Variants in COMMD10 observed in about 807,000 individuals in gnomAD.
COMMD10 encodes the protein COMM domain containing 10.
Under a neutral mutation model 28.9 loss-of-function variants are expected in COMMD10, and 33 were observed. That is an observed-to-expected ratio of 1.14 (90% CI 0.87 to 1.53). The LOEUF is 1.53. Among genes scored for constraint, COMMD10 ranks in the 40% most tolerant of loss-of-function variants. COMMD10 has a pLI of 0.00. For synonymous variants in COMMD10, 110 were observed against 81.7 expected, an observed-to-expected ratio of 1.35 and a Z score of -1.87; for missense variants, 310 against 233.4, an observed-to-expected ratio of 1.33 and a Z score of -2.14.
intron 5 of COMMD10, among the ~76,000 whole-genome samples, chr5:116,141,874 G>T (rs992992871): frequency 6.6e-6 from 1 of 151,584 alleles, no homozygotes; most frequent in Non-Finnish European, 1.5e-5. Flanking sequence ...GCGTTTTAAG[G>T]GTTCTTTTTC....
chr5:116,283,060 C>T (rs539374380), intron 5 of COMMD10, among the ~76,000 whole-genome samples: 9 of 151,974 alleles, frequency 5.9e-5, no homozygotes, highest in South Asian at 2.1e-4. Context: ...TGTTATCCTG[C>T]TTTATTCTCC....
At chr5:116,287,108 C>G (rs185206850) in intron 5 of COMMD10, among the ~76,000 whole-genome samples, 1 of 151,774 alleles carries the variant, frequency 6.6e-6, no homozygotes, top group African/African-American at 2.4e-5. Context: ...GTACAGCAGG[C>G]TTTTAAATAA....
At chr5:116,093,163 T>G (rs1435243131) in intron 4 of COMMD10, among the ~76,000 whole-genome samples, 1 of 152,196 alleles carries the variant, frequency 6.6e-6, no homozygotes, top group African/African-American at 2.4e-5. Context: ...CGATATACTT[T>G]TACTTTTGAT....
At position 116,291,521 on chromosome 5, in the gene COMMD10, T is replaced by C; in HGVS notation, c.515T>C (p.Leu172Pro). ...LGVNNEDSKSLEKVLVEFSHK... is the reference protein window; with the variant it reads ...LGVNNEDSKSPEKVLVEFSHK... ...TGTTGTTTTTCTTCCTTACAGAGCC[T>C]GGAGAAAGTTCTTGTGGAATTCAGT... is the stretch of plus-strand genomic sequence containing the variant. Residue 172 changes from leucine (L) to proline (P), a missense_variant, in exon 6 of 7, where the codon CTG (leucine) becomes CCG (proline). Coordinates refer to ENST00000274458, the MANE Select transcript of COMMD10 (RefSeq NM_016144.4). 3 of 1,599,474 alleles carry C rather than the reference T, an allele frequency of 1.9e-6. No individual in the cohort carries two copies. The highest frequency in any genetic ancestry group is 2.3e-5 in the South Asian group (2 of 88,324).
intron 5 of COMMD10, among the ~76,000 whole-genome samples, chr5:116,141,118 A>G (rs908134663): frequency 8.6e-5 from 13 of 151,548 alleles, no homozygotes; most frequent in Non-Finnish European, 1.5e-4. Flanking sequence ...GTATGGTGTA[A>G]AGGTCCAATT....
chr5:116,106,834 A>G (rs987601680), intron 4 of COMMD10, among the ~76,000 whole-genome samples: 1 of 152,066 alleles, frequency 6.6e-6, no homozygotes, highest in Non-Finnish European at 1.5e-5. Context: ...TGCTTTGTAG[A>G]TCTTCCTCCA....
intron 4 of COMMD10, among the ~76,000 whole-genome samples, chr5:116,122,439 TG>T (rs1751465012): frequency 6.6e-6 from 1 of 152,230 alleles, no homozygotes; most frequent in African/African-American, 2.4e-5. Context: ...TTGTTCTTTT[TG>T]CTCAGGATTG....
At chr5:116,189,014 A>G (rs1255218492) in intron 5 of COMMD10, among the ~76,000 whole-genome samples, 2 of 152,210 alleles carry the variant, frequency 1.3e-5, no homozygotes, top group African/African-American at 4.8e-5. Flanking sequence ...TTCCTTAAAC[A>G]GTGTTCTACA....
intron 5 of COMMD10, among the ~76,000 whole-genome samples, chr5:116,197,580 TCA>T (rs1406431126): frequency 4.6e-5 from 7 of 152,132 alleles, no homozygotes. Context: ...AGACAGGTTC[TCA>T]CTATGTTGCC....
chr5:116,164,278 G>A (rs1018833389), intron 5 of COMMD10, among the ~76,000 whole-genome samples: 1 of 151,574 alleles, frequency 6.6e-6, no homozygotes, highest in Admixed American at 6.6e-5. Context: ...CCGAGATTGG[G>A]CCACTGCACT....
chr5:116,272,778 T>A (rs80125104), intron 5 of COMMD10, among the ~76,000 whole-genome samples: 6 of 151,868 alleles, frequency 4.0e-5, no homozygotes, highest in Non-Finnish European at 8.8e-5. Flanking sequence ...GTGGACAGTT[T>A]GCTGAACTTA....
At chr5:116,289,799 G>GTGGGTGCT (rs898269633) in intron 5 of COMMD10, among the ~76,000 whole-genome samples, 2 of 151,836 alleles carry the variant, frequency 1.3e-5, no homozygotes, top group African/African-American at 4.9e-5. Flanking sequence ...TTATAATGGT[G>GTGGGTGCT]TGGGTGCTGT....
At chr5:116,284,977 A>G (rs1043659158) in intron 5 of COMMD10, among the ~76,000 whole-genome samples, 2 of 151,938 alleles carry the variant, frequency 1.3e-5, no homozygotes, top group Non-Finnish European at 2.9e-5. Context: ...AATCCACTTA[A>G]TTGATGGATA....
chr5:116,203,420 C>T (rs1748724368), intron 5 of COMMD10, among the ~76,000 whole-genome samples: 1 of 152,048 alleles, frequency 6.6e-6, no homozygotes, highest in Non-Finnish European at 1.5e-5. Flanking sequence ...AGAAGAGCAA[C>T]TCCGAGACAC....
At chr5:116,111,216 C>T (rs761848584) in intron 4 of COMMD10, among the ~76,000 whole-genome samples, 4 of 151,950 alleles carry the variant, frequency 2.6e-5, no homozygotes, top group African/African-American at 2.4e-5. Context: ...TTTTAAAGAA[C>T]GAGCTTTTTG....
chr5:116,166,642 A>G (rs1486438987), intron 5 of COMMD10, among the ~76,000 whole-genome samples: 5 of 152,102 alleles, frequency 3.3e-5, no homozygotes, highest in Non-Finnish European at 7.4e-5. Flanking sequence ...CTTCCAGAGG[A>G]AGGAACAGGC....
chr5:116,090,644 G>A (rs1377829270), intron 2 of COMMD10, among the ~76,000 whole-genome samples: 2 of 152,138 alleles, frequency 1.3e-5, no homozygotes, highest in African/African-American at 2.4e-5. Flanking sequence ...GGGGGTTGAA[G>A]GTACTGTCAT....
chr5:116,228,100 A>G (rs960170919), intron 5 of COMMD10, among the ~76,000 whole-genome samples: 5 of 152,012 alleles, frequency 3.3e-5, no homozygotes, highest in African/African-American at 1.2e-4. Context: ...AGTTACTATG[A>G]TTCTTAAGGT....
At chr5:116,126,076 A>G (rs1751624865) in intron 4 of COMMD10, among the ~76,000 whole-genome samples, 1 of 152,256 alleles carries the variant, frequency 6.6e-6, no homozygotes, top group Non-Finnish European at 1.5e-5. Context: ...CAACTTCAGC[A>G]AAGTCTTAGG....
Sources: gnomAD v4.1 joint callset for allele counts (sites outside exome capture counted in the v4.1 genomes callset) on GRCh38, gnomAD v4.1.1 for gene constraint, MANE v1.5 for transcripts, NCBI Gene and HGNC (gene_info 2026-07-23, HGNC 2026-07-21) for gene names.